Variants in NAALADL2 observed in about 807,000 individuals in gnomAD.
NAALADL2 encodes inactive N-acetylated-alpha-linked acidic dipeptidase-like protein 2.
In NAALADL2, 76 loss-of-function variants were observed where a neutral mutation model predicts 87.2. That is an observed-to-expected ratio of 0.87 (90% CI 0.72 to 1.05). The LOEUF (loss-of-function observed/expected upper bound fraction) is 1.05. Ranked by LOEUF, NAALADL2 falls within the 50% of genes least tolerant of loss-of-function variation. The probability of loss-of-function intolerance (pLI) is 0.00; values close to 1 mark genes in which losing one functional copy is unlikely to be tolerated. For synonymous variants in NAALADL2, 354 were observed against 331.0 expected, an observed-to-expected ratio of 1.07 and a Z score of -0.75; for missense variants, 1,089 against 945.8, an observed-to-expected ratio of 1.15 and a Z score of -1.99.
intron 2 of NAALADL2, among the ~76,000 whole-genome samples, chr3:175,217,766 G>A (rs1363967369): frequency 6.6e-6 from 1 of 152,170 alleles, no homozygotes; most frequent in East Asian, 1.9e-4. Flanking sequence ...ACAAGCTTAA[G>A]AAGCCAAACA....
intron 2 of NAALADL2, among the ~76,000 whole-genome samples, chr3:174,727,945 A>G (rs140995074): frequency 1.3e-5 from 2 of 152,262 alleles, no homozygotes; most frequent in African/African-American, 4.8e-5. Context: ...TGCATTTTCC[A>G]TAACCTAATA....
chr3:175,713,905 G>A (rs1740878657), intron 11 of NAALADL2, among the ~76,000 whole-genome samples: 1 of 151,832 alleles, frequency 6.6e-6, no homozygotes, highest in African/African-American at 2.4e-5. Context: ...AATAGGCCCT[G>A]GTGTGTGATG....
intron 11 of NAALADL2, among the ~76,000 whole-genome samples, chr3:175,699,937 G>A (rs1176105614): frequency 1.3e-5 from 2 of 152,062 alleles, no homozygotes; most frequent in East Asian, 3.9e-4. Context: ...AAGTCCAAGG[G>A]CATTTTCTGT....
At chr3:174,616,306 A>G (rs1409829430) in intron 2 of NAALADL2, among the ~76,000 whole-genome samples, 1 of 152,012 alleles carries the variant, frequency 6.6e-6, no homozygotes, top group East Asian at 1.9e-4. Context: ...AGATATACAT[A>G]AATAGAAGGT....
intron 3 of NAALADL2, among the ~76,000 whole-genome samples, chr3:174,852,057 G>A (rs1294241051): frequency 6.6e-6 from 1 of 152,008 alleles, no homozygotes; most frequent in Admixed American, 6.6e-5. Context: ...TCAAAAAACT[G>A]GGTATAGAAG....
intron 1 of NAALADL2, among the ~76,000 whole-genome samples, chr3:174,877,866 A>G (rs1728699331): frequency 6.6e-6 from 1 of 152,100 alleles, no homozygotes; most frequent in East Asian, 1.9e-4. Flanking sequence ...ACTCACTATC[A>G]TAAGATAGCA....
chr3:175,201,617 A>G (rs1740036902), intron 2 of NAALADL2, among the ~76,000 whole-genome samples: 1 of 152,164 alleles, frequency 6.6e-6, no homozygotes, highest in Admixed American at 6.5e-5. Flanking sequence ...CTGTTGCTCC[A>G]AGAACAGAAC....
chr3:174,686,961 A>C (rs2108841589), intron 2 of NAALADL2, among the ~76,000 whole-genome samples: 1 of 152,262 alleles, frequency 6.6e-6, no homozygotes, highest in East Asian at 1.9e-4. Flanking sequence ...GGATCTAATA[A>C]AACTAAAGAG....
intron 1 of NAALADL2, among the ~76,000 whole-genome samples, chr3:174,941,463 A>C (rs2108470246): frequency 6.6e-6 from 1 of 152,126 alleles, no homozygotes; most frequent in Admixed American, 6.6e-5. Flanking sequence ...TGAGAAGAGT[A>C]TATATTCTGT....
intron 2 of NAALADL2, among the ~76,000 whole-genome samples, chr3:175,111,888 A>G (rs1433792651): frequency 6.6e-6 from 1 of 151,628 alleles, no homozygotes; most frequent in East Asian, 1.9e-4. Context: ...AACACAACCA[A>G]TTTGGAAACA....
At chr3:174,633,809 A>G (rs79460541) in intron 2 of NAALADL2, among the ~76,000 whole-genome samples, 20,397 of 152,228 alleles carry the variant, frequency 0.13, 1,520 homozygotes, top group South Asian at 0.26. Flanking sequence ...TCCATGATTC[A>G]TCATTAAATG....
chr3:174,985,442 A>G (rs13323013), intron 1 of NAALADL2, among the ~76,000 whole-genome samples: 14,417 of 152,114 alleles, frequency 0.095, 1,601 homozygotes, highest in African/African-American at 0.27. Flanking sequence ...AAATCTTTTG[A>G]GGTAGATGTG....
intron 11 of NAALADL2, among the ~76,000 whole-genome samples, chr3:175,695,581 A>G (rs142708390): frequency 1.3e-5 from 2 of 152,166 alleles, no homozygotes; most frequent in Non-Finnish European, 2.9e-5. Context: ...CTTTATCTGT[A>G]TAGGTCCATT....
rs146265410 is a variant in NAALADL2 at position 174,486,730 on chromosome 3, C to A, written c.-184+45698C>A. Among the ~76,000 whole-genome samples the A allele has an allele frequency of 9.9e-5, 15 of 151,990 alleles. No individual in the cohort carries two copies. The East Asian group carries it at 2.5e-3, about 25-fold the overall frequency. On this transcript the variant is annotated intron_variant, in intron 1 of 3. Coordinates refer to the NAALADL2 transcript ENST00000434257. Reference sequence around the variant, plus strand: ...ACATGCTGGGTAAGAAATTAGAAGTCCCCTTTCCTTTTTTCTTTTTAAACT... The same window carrying A: ...ACATGCTGGGTAAGAAATTAGAAGTACCCTTTCCTTTTTTCTTTTTAAACT...
At chr3:175,260,539 A>G (rs573056369) in intron 4 of NAALADL2, among the ~76,000 whole-genome samples, 42 of 152,344 alleles carry the variant, frequency 2.8e-4, no homozygotes, top group African/African-American at 1.0e-3. Flanking sequence ...CTGTCCATCA[A>G]ATATATTCTG....
chr3:174,683,694 G>T (rs1439642295), intron 2 of NAALADL2, among the ~76,000 whole-genome samples: 2 of 141,562 alleles, frequency 1.4e-5, no homozygotes, highest in East Asian at 4.1e-4. Context: ...TAACCATTTG[G>T]AATTTCTGGA....
chr3:175,015,718 C>G (rs1750724397), intron 1 of NAALADL2, among the ~76,000 whole-genome samples: 1 of 151,948 alleles, frequency 6.6e-6, no homozygotes, highest in South Asian at 2.1e-4. Flanking sequence ...TGGTAACATA[C>G]TAAAATAGTT....
chr3:174,760,343 C>T (rs371430777), intron 3 of NAALADL2, among the ~76,000 whole-genome samples: 11 of 152,268 alleles, frequency 7.2e-5, no homozygotes, highest in African/African-American at 2.6e-4. Context: ...TATGAAAAGC[C>T]AGTTGAATTT....
intron 3 of NAALADL2, among the ~76,000 whole-genome samples, chr3:174,806,977 T>C (rs1719583977): frequency 6.6e-6 from 1 of 152,100 alleles, no homozygotes; most frequent in African/African-American, 2.4e-5. Flanking sequence ...CAAAAAGTGA[T>C]TAGGTGTCTT....
Sources: allele counts gnomAD v4.1 joint callset (sites outside exome capture counted in the v4.1 genomes callset), GRCh38; gene constraint gnomAD v4.1.1; transcripts MANE v1.5; gene names NCBI Gene and HGNC (gene_info 2026-07-23, HGNC 2026-07-21).